The following RUNX1 variants were observed in gnomAD, a reference collection of about 807,000 sequenced individuals.
The protein encoded by RUNX1 is runt-related transcription factor 1.
RUNX1 carries 19 observed loss-of-function variants against 42.8 expected under a neutral mutation model. The ratio of observed to expected loss-of-function variants is 0.44; its 90% confidence interval spans 0.31 to 0.65. The LOEUF (loss-of-function observed/expected upper bound fraction) is 0.65. RUNX1 is among the 30% of genes least tolerant of loss of function. The pLI is 0.07. For missense variants in RUNX1, 528 were observed against 672.0 expected (o/e 0.79, Z 2.37); for synonymous variants, 271 against 289.4 (o/e 0.94, Z 0.64).
chr21:34,798,443 A>G (rs891981301), intron 8 of RUNX1, among the ~76,000 whole-genome samples: 16 of 152,254 alleles, frequency 1.1e-4, no homozygotes, highest in Admixed American at 1.3e-4. Context: ...ATGAGCTCAT[A>G]TTAACAACAA....
intron 7 of RUNX1, among the ~76,000 whole-genome samples, chr21:34,823,388 C>G (rs371940841): frequency 3.4e-5 from 5 of 147,762 alleles, no homozygotes; most frequent in African/African-American, 1.3e-4. Context: ...GTGGAAGAAC[C>G]AAGACGGTAG....
At chr21:34,874,633 A>AAAAAAAAAAC (rs2057788322) in intron 5 of RUNX1, among the ~76,000 whole-genome samples, 2 of 147,954 alleles carry the variant, frequency 1.4e-5, no homozygotes, top group African/African-American at 2.5e-5. Flanking sequence ...AAAAAAAAAA[A>AAAAAAAAAAC]AAGACAGTAC....
rs990932838 is a variant in RUNX1 at position 34,946,184 on chromosome 21, C to T, written c.59-53221G>A. ...ATGCCAGTCTCTTTCCACTCTGTTC[C>T]GTGCCTCACACGTTTTGCAGATGAA... On this transcript the variant is annotated intron_variant, in intron 2 of 8. Transcript: ENST00000675419. Among the ~76,000 whole-genome samples, 14 of 152,314 alleles carry T rather than the reference C, an allele frequency of 9.2e-5. No individual in the cohort carries two copies. In the South Asian group the frequency reaches 2.7e-3, roughly 29 times the overall value.
At chr21:34,821,771 C>T in intron 7 of RUNX1, 1 of 1,271,386 alleles carries the variant, frequency 7.9e-7, no homozygotes. Flanking sequence ...GAATGCATTC[C>T]CCTCCCCTAC....
intron 3 of RUNX1, among the ~76,000 whole-genome samples, chr21:34,890,794 G>C (rs2146445271): frequency 8.0e-6 from 1 of 125,212 alleles, no homozygotes; most frequent in East Asian, 2.7e-4. Context: ...GCGCGCGCCC[G>C]CCCGCCCGCA....
chr21:34,858,570 C>T (rs556442412), intron 6 of RUNX1, among the ~76,000 whole-genome samples: 53 of 152,334 alleles, frequency 3.5e-4, no homozygotes, highest in African/African-American at 1.1e-3. Flanking sequence ...CATTTTACAA[C>T]CTGACCTCCC....
chr21:34,888,696 G>C, intron 3 of RUNX1: 1 of 1,036,878 alleles, frequency 9.6e-7, no homozygotes, highest in South Asian at 4.6e-5. Context: ...CTATGAATGA[G>C]AGTGCCTGGA....
At chr21:34,990,819 G>A (rs2058931411) in intron 2 of RUNX1, among the ~76,000 whole-genome samples, 2 of 152,102 alleles carry the variant, frequency 1.3e-5, no homozygotes, top group African/African-American at 2.4e-5. Flanking sequence ...TTGAACTCCT[G>A]GCCTCAGGTG....
chr21:35,038,753 G>T (rs754366681), intron 2 of RUNX1: 6 of 455,952 alleles, frequency 1.3e-5, no homozygotes, highest in African/African-American at 4.0e-5. Context: ...GGGAATTATA[G>T]TTTGGGTTCC....
At chr21:34,859,999 T>C (rs1231472034) in intron 5 of RUNX1, among the ~76,000 whole-genome samples, 1 of 152,218 alleles carries the variant, frequency 6.6e-6, no homozygotes, top group East Asian at 1.9e-4. Flanking sequence ...CTTTGTACCT[T>C]TGAAGATCAG....
At chr21:34,983,169 C>G (rs765638385) in intron 2 of RUNX1, among the ~76,000 whole-genome samples, 3 of 152,178 alleles carry the variant, frequency 2.0e-5, no homozygotes, top group Non-Finnish European at 4.4e-5. Flanking sequence ...TTATTGAACC[C>G]ACCAAATCAT....
chr21:34,941,233 T>C (rs2058524307), intron 2 of RUNX1, among the ~76,000 whole-genome samples: 1 of 152,200 alleles, frequency 6.6e-6, no homozygotes, highest in South Asian at 2.1e-4. Flanking sequence ...GCCTCCAGGG[T>C]GCCTGTGGTA....
intron 2 of RUNX1, among the ~76,000 whole-genome samples, chr21:35,040,210 G>T (rs1047839404): frequency 1.3e-5 from 2 of 152,134 alleles, no homozygotes; most frequent in African/African-American, 4.8e-5. Context: ...TGGAATGAGG[G>T]GCTCAGTGCA....
intron 2 of RUNX1, among the ~76,000 whole-genome samples, chr21:35,023,499 G>C (rs1342835081): frequency 6.6e-6 from 1 of 152,204 alleles, no homozygotes; most frequent in Admixed American, 6.5e-5. Context: ...CATGGCAGGG[G>C]GCTGGACTGT....
intron 2 of RUNX1, among the ~76,000 whole-genome samples, chr21:34,960,356 C>T (rs2058673807): frequency 6.6e-6 from 1 of 152,156 alleles, no homozygotes; most frequent in African/African-American, 2.4e-5. Context: ...CAAAGGCTCC[C>T]CTGCAAGATC....
chr21:34,957,496 G>C (rs2058652821), intron 2 of RUNX1, among the ~76,000 whole-genome samples: 1 of 152,116 alleles, frequency 6.6e-6, no homozygotes. Flanking sequence ...GGAATTCTGG[G>C]CAAGGGGTGC....
chr21:34,891,340 G>A (rs2058078894), intron 3 of RUNX1, among the ~76,000 whole-genome samples: 1 of 152,180 alleles, frequency 6.6e-6, no homozygotes, highest in Admixed American at 6.5e-5. Context: ...ATGGGATCGC[G>A]GGACATTTGG....
intron 6 of RUNX1, among the ~76,000 whole-genome samples, chr21:34,849,339 TA>T (rs1240173100): frequency 2.8e-5 from 1 of 35,780 alleles, no homozygotes; most frequent in African/African-American, 8.9e-5. Flanking sequence ...ATACTATATA[TA>T]TTATATATAG....
chr21:34,854,843 G>A (rs147470738), intron 6 of RUNX1, among the ~76,000 whole-genome samples: 2 of 151,898 alleles, frequency 1.3e-5, no homozygotes, highest in Admixed American at 1.3e-4. Flanking sequence ...CTGTGAGGAG[G>A]GGGGCAGCTG....
Sources: allele counts gnomAD v4.1 joint callset (sites outside exome capture counted in the v4.1 genomes callset), GRCh38; gene constraint gnomAD v4.1.1; transcripts MANE v1.5; gene names NCBI Gene and HGNC (gene_info 2026-07-23, HGNC 2026-07-21).